Variants in NAT2 observed in about 807,000 individuals in gnomAD.
NAT2 encodes arylamine N-acetyltransferase 2.
For synonymous variants in NAT2, 137 were observed against 125.9 expected (o/e 1.09, Z -0.59); for missense variants, 428 against 339.1 (o/e 1.26, Z -2.06).
intron 1 of NAT2, among the ~76,000 whole-genome samples, chr8:18,394,062 G>T (rs1800639942): frequency 6.6e-6 from 1 of 152,114 alleles, no homozygotes; most frequent in Non-Finnish European, 1.5e-5. Context: ...GGGAGATAAG[G>T]GTGGGGCCAT....
intron 1 of NAT2, among the ~76,000 whole-genome samples, chr8:18,397,418 A>G (rs1440891995): frequency 6.6e-6 from 1 of 152,154 alleles, no homozygotes; most frequent in African/African-American, 2.4e-5. Flanking sequence ...ATTATTTTGT[A>G]TGATAAATAA....
intron 1 of NAT2, among the ~76,000 whole-genome samples, chr8:18,397,482 T>A (rs1373855794): frequency 6.6e-6 from 1 of 152,132 alleles, no homozygotes; most frequent in Non-Finnish European, 1.5e-5. Flanking sequence ...AGAGGGAAAT[T>A]TAGGATACAA....
chr8:18,388,613 G>C (rs1563246350), upstream of NAT2, among the ~76,000 whole-genome samples: 2 of 150,218 alleles, frequency 1.3e-5, no homozygotes. Flanking sequence ...AAGTTTTGTT[G>C]TTAGCAAGGA....
chr8:18,389,467 A>G (rs1800559309), upstream of NAT2, among the ~76,000 whole-genome samples: 1 of 152,252 alleles, frequency 6.6e-6, no homozygotes, highest in Non-Finnish European at 1.5e-5. Context: ...GTCAATAGGT[A>G]TGTGAAGAAC....
At chr8:18,395,873 G>C (rs1460299700) in intron 1 of NAT2, among the ~76,000 whole-genome samples, 1 of 151,376 alleles carries the variant, frequency 6.6e-6, no homozygotes, top group East Asian at 1.9e-4. Context: ...TTGAGAGAGA[G>C]GACTCACTTT....
intron 1 of NAT2, among the ~76,000 whole-genome samples, chr8:18,392,120 T>A (rs1442714270): frequency 6.6e-6 from 1 of 152,242 alleles, no homozygotes; most frequent in Non-Finnish European, 1.5e-5. Context: ...TAAAAGTCAC[T>A]GTCATGTGAC....
At chr8:18,392,422 G>C (rs1800605620) in intron 1 of NAT2, among the ~76,000 whole-genome samples, 1 of 152,156 alleles carries the variant, frequency 6.6e-6, no homozygotes, top group South Asian at 2.1e-4. Context: ...GAAGAACTTG[G>C]AGTTTGATGT....
chr8:18,388,376 G>C (rs1800538347), upstream of NAT2, among the ~76,000 whole-genome samples: 1 of 152,082 alleles, frequency 6.6e-6, no homozygotes, highest in South Asian at 2.1e-4. Flanking sequence ...TTCTGTCATG[G>C]ATCTGAGAAG....
intron 1 of NAT2, among the ~76,000 whole-genome samples, chr8:18,394,877 G>A (rs1800658626): frequency 6.6e-6 from 1 of 152,134 alleles, no homozygotes; most frequent in Non-Finnish European, 1.5e-5. Context: ...CCATAAATTA[G>A]CAATAATCAC....
chr8:18,391,753 G>A (rs1158470686), intron 1 of NAT2, among the ~76,000 whole-genome samples: 1 of 152,118 alleles, frequency 6.6e-6, no homozygotes, highest in Non-Finnish European at 1.5e-5. Context: ...CATCTTTTAT[G>A]GGGAAATTTG....
chr8:18,387,604 CCCCGG>C (rs889286575), upstream of NAT2: 2 of 153,314 alleles, frequency 1.3e-5, no homozygotes, highest in Non-Finnish European at 2.9e-5. Flanking sequence ...TTGATCGCCG[CCCCGG>C]CCCTCGGCCC....
At chr8:18,390,703 A>T (rs4345601), upstream of NAT2, among the ~76,000 whole-genome samples, 16,194 of 146,436 alleles carry the variant, frequency 0.11, 1,056 homozygotes, top group Admixed American at 0.19. Context: ...GAGAAATAAA[A>T]ATTTACATTA....
chr8:18,395,403 C>A (rs530114935), intron 1 of NAT2, among the ~76,000 whole-genome samples: 3 of 152,030 alleles, frequency 2.0e-5, no homozygotes, highest in East Asian at 1.9e-4. Context: ...ATACTAATAA[C>A]ATATATAAAG....
At chr8:18,387,708 T>C, upstream of NAT2, 1 of 156,154 alleles carries the variant, frequency 6.4e-6, no homozygotes, top group Non-Finnish European at 1.4e-5. Context: ...TCGCCTTTTC[T>C]CCAAAGCGCT....
chr8:18,388,504 CAAAAAAAAAA>C (rs11390514), upstream of NAT2, among the ~76,000 whole-genome samples: 5 of 78,486 alleles, frequency 6.4e-5, no homozygotes, highest in Admixed American at 6.1e-4. Context: ...AGATAATAAG[CAAAAAAAAAA>C]AAAAAAAAAA....
chr8:18,387,631 G>A (rs1319782262), upstream of NAT2: 1 of 155,196 alleles, frequency 6.4e-6, no homozygotes, highest in East Asian at 1.9e-4. Context: ...CTCGGCCTTG[G>A]CCTTTGCTCC....
upstream of NAT2, chr8:18,391,280 G>C (rs1800587875): frequency 6.6e-6 from 1 of 152,078 alleles, no homozygotes; most frequent in South Asian, 2.1e-4. Flanking sequence ...GGAAGGGAGA[G>C]CACTTTATTA....
chr8:18,399,108 T>G (rs1446264865), intron 1 of NAT2, among the ~76,000 whole-genome samples: 3 of 152,194 alleles, frequency 2.0e-5, no homozygotes, highest in African/African-American at 4.8e-5. Context: ...TCACTGACTG[T>G]GCTCCAGTCA....
chr8:18,398,631 G>A (rs2117619582), intron 1 of NAT2, among the ~76,000 whole-genome samples: 1 of 152,236 alleles, frequency 6.6e-6, no homozygotes, highest in Non-Finnish European at 1.5e-5. Flanking sequence ...TTCCTATGCT[G>A]GTACTAAGAG....
Sources: allele counts gnomAD v4.1 joint callset (sites outside exome capture counted in the v4.1 genomes callset), GRCh38; gene constraint gnomAD v4.1.1; transcripts MANE v1.5; gene names NCBI Gene and HGNC (gene_info 2026-07-23, HGNC 2026-07-21).